PHRF1: variants seen among roughly 807,000 people sequenced by gnomAD.
PHRF1 encodes the protein PHD and ring finger domains 1, also known as PHD and RING finger domain-containing protein 1.
PHRF1 carries 53 observed loss-of-function variants against 128.9 expected under a neutral mutation model. The ratio of observed to expected loss-of-function variants is 0.41; its 90% CI spans 0.33 to 0.52. The LOEUF (loss-of-function observed/expected upper bound fraction) is 0.52, where lower values mean the gene tolerates loss of function less well. Among genes scored for constraint, PHRF1 ranks in the 20% least tolerant of loss-of-function variants. The pLI is 0.21. For missense variants in PHRF1, 2,503 were observed against 2,284.5 expected, an observed-to-expected ratio of 1.10 and a Z score of -1.95; for synonymous variants, 1,178 against 980.6, an observed-to-expected ratio of 1.20 and a Z score of -3.76.
chr11:592,994 G>A (rs1236926160), intron 6 of PHRF1, among the ~76,000 whole-genome samples: 1 of 152,222 alleles, frequency 6.6e-6, no homozygotes, highest in Admixed American at 6.5e-5. Flanking sequence ...GGCCTTTGTG[G>A]GGGAGGGGTG....
chr11:596,949 C>A lies in PHRF1; in HGVS notation c.647C>A (p.Pro216His). ...AGYHMECLDP[P>H]LQEVPVDEWF... ...TACCACATGGAATGCTTGGACCCCC[C>A]TCTCCAGGAGGTGCCGGTGGACGAG... The change falls in exon 7 of 18, where the codon CCT becomes CAT. Residue 216 changes from proline to histidine, a missense_variant. By Grantham distance (77) the Pro-to-His change is moderately conservative. Transcript: ENST00000264555. 1.2e-6 allele frequency: 2 copies of A among 1,613,902 alleles called. No individual in the cohort carries two copies. The highest frequency in any genetic ancestry group is 1.7e-6 in the Non-Finnish European group (2 of 1,179,874).
chr11:582,822 C>G (rs889908591), intron 3 of PHRF1, among the ~76,000 whole-genome samples: 3 of 151,488 alleles, frequency 2.0e-5, no homozygotes, highest in Non-Finnish European at 4.4e-5. Flanking sequence ...CCGCGCCCGG[C>G]CTTTTTTCAA....
Position 611,013 on chromosome 11 carries a change from G to A in PHRF1, c.4737G>A (p.Lys1579=). 6.2e-7 allele frequency: 1 copy of A among 1,613,526 alleles called. No homozygotes were observed. Among genetic ancestry groups the A allele is most frequent in the South Asian group, 1.1e-5 (1 of 91,070 alleles). ...RAVEEVKLAI[K]PFYQKREVTK... ...TGGAGGAGGTGAAGCTGGCCATCAA[G>A]CCCTTCTACCAGAAGAGGGAGGTGA... The change falls in exon 17 of 18, where the codon AAG becomes AAA. Residue 1579 remains lysine (K), a synonymous_variant. Transcript: ENST00000264555.
In PHRF1 at chr11:581,769, A is replaced by G. The variant is rs114595132; in HGVS notation, c.94+163A>G. Among the ~76,000 whole-genome samples, 484 of 152,360 alleles carry G rather than the reference A, an allele frequency of 3.2e-3. 1 individual carries two copies. The highest frequency in any genetic ancestry group is 0.011 in the African/African-American group (459 of 41,582). ...TAGTGTATTGTTTTGTTTTATTTTT[A>G]ATGCAAACAACACAAATGTTGAACG... On this transcript the variant is annotated intron_variant, in intron 2 of 17. Transcript: ENST00000264555.
chr11:583,376 G>A (rs1168346905), intron 3 of PHRF1, among the ~76,000 whole-genome samples: 1 of 151,326 alleles, frequency 6.6e-6, no homozygotes, highest in African/African-American at 2.4e-5. Context: ...AATTAGCCGG[G>A]CGTGGTGGTG....
Position 607,846 on chromosome 11 carries a change from G to A in PHRF1, c.2390G>A (p.Cys797Tyr). ...HSSQLSSPGFCNTFRPVDDKE... is the reference protein window; with the variant it reads ...HSSQLSSPGFYNTFRPVDDKE... ...AGCCAGCTCTCCAGCCCTGGCTTCT[G>A]TAACACGTTCCGGCCTGTGGACGAT... The change falls in exon 14 of 18, where the codon TGT (cysteine) becomes TAT (tyrosine). Residue 797 changes from cysteine (C) to tyrosine (Y), a missense_variant. Coordinates refer to ENST00000264555, the MANE Select transcript of PHRF1 (RefSeq NM_001286581.2). The A allele has an allele frequency of 6.2e-7, 1 of 1,612,820 alleles. No homozygotes were observed. Among genetic ancestry groups the A allele is most frequent in the Non-Finnish European group, 8.5e-7 (1 of 1,179,880 alleles).
chr11:611,148 C>T, intron 17 of PHRF1, 66 bp downstream of exon 17: 2 of 1,593,778 alleles, frequency 1.3e-6, no homozygotes, highest in Non-Finnish European at 8.5e-7. Flanking sequence ...GCTGTCTCGT[C>T]AGCATGGACT....
At chr11:579,645 A>G (rs1346602196) in intron 1 of PHRF1, among the ~76,000 whole-genome samples, 1 of 152,206 alleles carries the variant, frequency 6.6e-6, no homozygotes, top group Non-Finnish European at 1.5e-5. Context: ...TGCTGGGTCC[A>G]CCAAGCACCA....
In PHRF1 at chr11:597,459, C is replaced by T; in HGVS notation, c.783C>T (p.Ser261=). Residue 261 remains serine, a synonymous_variant, in exon 8 of 18, where the codon AGC becomes AGT. Coordinates refer to ENST00000264555, the MANE Select transcript of PHRF1 (RefSeq NM_001286581.2). The surrounding 1 kb of genome is among the most constrained non-coding windows in gnomAD (Gnocchi z 6.5). Reference sequence around the variant, plus strand: ...TGGCTGATGTGGTGCCCACCACCAGCAGGCTTCGGCCTCGAGCAGGTAGGA... The same window carrying T: ...TGGCTGATGTGGTGCCCACCACCAGTAGGCTTCGGCCTCGAGCAGGTAGGA... ...LLLADVVPTT[S]RLRPRAGRTR... 2 of 1,612,828 alleles carry T rather than the reference C, an allele frequency of 1.2e-6. No individual in the cohort carries two copies. The highest frequency in any genetic ancestry group is 1.7e-6 in the Non-Finnish European group (2 of 1,179,620).
At chr11:611,405 T>TC (rs907525563) in intron 17 of PHRF1, among the ~76,000 whole-genome samples, 5 of 151,540 alleles carry the variant, frequency 3.3e-5, no homozygotes, top group Non-Finnish European at 7.4e-5. Context: ...CAGCCCATGC[T>TC]CCCCCCGCCC....
chr11:596,131 A>G (rs1285044473), intron 6 of PHRF1, among the ~76,000 whole-genome samples: 1 of 152,050 alleles, frequency 6.6e-6, no homozygotes, highest in Admixed American at 6.5e-5. Flanking sequence ...TTCAGGCTCA[A>G]TTTTCAGGGA....
Position 607,587 on chromosome 11 carries a change from A to C in PHRF1, c.2131A>C (p.Ile711Leu), listed in dbSNP as rs1431779665. 2 of 1,612,286 alleles carry C rather than the reference A, an allele frequency of 1.2e-6. No homozygotes were observed. Among genetic ancestry groups the C allele is most frequent in the African/African-American group, 1.3e-5 (1 of 74,888 alleles). ...GQSIEIPSAC[I>L]SRLTGREGTG... ...GAGCATTGAGATCCCCAGTGCCTGC[A>C]TCAGCCGACTGACTGGCAGGGAGGG... Residue 711 changes from isoleucine to leucine, a missense_variant, in exon 14 of 18, where the codon ATC becomes CTC. Coordinates refer to ENST00000264555, the MANE Select transcript of PHRF1 (RefSeq NM_001286581.2).
At chr11:605,443 C>A in intron 11 of PHRF1, 143 bp downstream of exon 11, 1 of 1,459,426 alleles carries the variant, frequency 6.9e-7, no homozygotes. Flanking sequence ...CCATACGGTG[C>A]AGGTGGGTGG....
chr11:602,784 G>C (rs1855712563), intron 10 of PHRF1, among the ~76,000 whole-genome samples: 1 of 146,846 alleles, frequency 6.8e-6, no homozygotes, highest in Admixed American at 6.8e-5. Context: ...TTTTTTTTGA[G>C]ATGGAGTCTC....
In PHRF1 at chr11:608,227, A is replaced by G. The variant is rs1462406061; in HGVS notation, c.2771A>G (p.Glu924Gly). Residue 924 changes from glutamate to glycine, a missense_variant, in exon 14 of 18, where the codon GAG becomes GGG. Glu to Gly is a moderately conservative substitution (Grantham distance 98, BLOSUM62 -2). Transcript: ENST00000264555. ...GACACGGAGCGAGAGGAGCCCACAG[A>G]GAGCCAGGGCCTGGCTGCCCGGCTG... The part of the protein sequence containing the change: ...ASDTEREEPT[E>G]SQGLAARLRR... 1.9e-6 allele frequency: 3 copies of G among 1,609,802 alleles called. No homozygotes were observed. Among genetic ancestry groups the G allele is most frequent in the African/African-American group, 2.7e-5 (2 of 75,050 alleles).
intron 10 of PHRF1, among the ~76,000 whole-genome samples, chr11:602,062 C>T (rs1257477415): frequency 2.6e-5 from 4 of 152,180 alleles, no homozygotes; most frequent in Non-Finnish European, 4.4e-5. Flanking sequence ...CTGTGGGTTT[C>T]AGGCAGGCCT....
chr11:604,860 A>G (rs1855850194), intron 10 of PHRF1, among the ~76,000 whole-genome samples: 1 of 152,074 alleles, frequency 6.6e-6, no homozygotes, highest in Admixed American at 6.6e-5. Flanking sequence ...GTGAGTTTTC[A>G]CTTAATGCTA....
Position 608,537 on chromosome 11 carries a change from C to G in PHRF1, c.3081C>G (p.Asp1027Glu). Reference protein sequence around the residue: ...TRSGTRSESRDRSSRSASPSV... With the variant: ...TRSGTRSESRERSSRSASPSV... ...CTGGGACGCGCTCTGAATCCAGGGA[C>G]AGGAGCTCGAGGTCAGCGTCACCAT... Residue 1027 changes from aspartate to glutamate, a missense_variant, in exon 14 of 18, where the codon GAC becomes GAG. Coordinates refer to ENST00000264555, the MANE Select transcript of PHRF1 (RefSeq NM_001286581.2). The G allele has an allele frequency of 1.2e-6, 2 of 1,612,292 alleles. No homozygotes were observed. The highest frequency in any genetic ancestry group is 1.7e-6 in the Non-Finnish European group (2 of 1,179,792).
chr11:582,774 T>G (rs1344054811), intron 3 of PHRF1, among the ~76,000 whole-genome samples: 6 of 151,624 alleles, frequency 4.0e-5, no homozygotes, highest in African/African-American at 1.5e-4. Flanking sequence ...TCCGCCCACC[T>G]CAGCCTCCCA....
Sources: gnomAD v4.1 joint callset for allele counts (sites outside exome capture counted in the v4.1 genomes callset) on GRCh38, gnomAD v4.1.1 for gene constraint, Gnocchi (gnomAD v3.1) non-coding constraint, MANE v1.5 for transcripts, NCBI Gene and HGNC (gene_info 2026-07-23, HGNC 2026-07-21) for gene names.